Variants in HEMK2 observed in about 807,000 individuals in gnomAD.
HEMK2 encodes methyltransferase HEMK2.
chr21:28,843,693 A>G, the HEMK2 span, among the ~76,000 whole-genome samples: 1 of 152,168 alleles, frequency 6.6e-6, no homozygotes, highest in Non-Finnish European at 1.5e-5. Flanking sequence ...TTCTGTGCAG[A>G]TAAGCCAGTT....
At chr21:28,602,432 T>C in the HEMK2 span, among the ~76,000 whole-genome samples, 1 of 152,206 alleles carries the variant, frequency 6.6e-6, no homozygotes, top group African/African-American at 2.4e-5. Context: ...TTTAGAATTG[T>C]TGTATTCTAC....
chr21:28,651,437 A>G, the HEMK2 span, among the ~76,000 whole-genome samples: 1 of 152,242 alleles, frequency 6.6e-6, no homozygotes, highest in Non-Finnish European at 1.5e-5. Flanking sequence ...TAGTTTATCA[A>G]AAAGAGGGTA....
chr21:28,596,100 T>C, the HEMK2 span, among the ~76,000 whole-genome samples: 1,580 of 152,160 alleles, frequency 0.01, 42 homozygotes, highest in African/African-American at 0.037. Context: ...TGGAGTGCAG[T>C]GGTGCGATCT....
chr21:28,833,093 C>T, the HEMK2 span, among the ~76,000 whole-genome samples: 2 of 152,246 alleles, frequency 1.3e-5, no homozygotes, highest in East Asian at 1.9e-4. Flanking sequence ...AGACTTAAAA[C>T]TGGCTTTTTG....
the HEMK2 span, among the ~76,000 whole-genome samples, chr21:28,722,234 A>G: frequency 6.6e-6 from 1 of 152,124 alleles, no homozygotes; most frequent in Non-Finnish European, 1.5e-5. Context: ...ATAAAAGAGA[A>G]TACAAAAAAA....
the HEMK2 span, among the ~76,000 whole-genome samples, chr21:28,631,216 A>T: frequency 6.6e-6 from 1 of 152,198 alleles, no homozygotes; most frequent in Admixed American, 6.5e-5. Context: ...AAACTTCAAA[A>T]ACATCATACT....
chr21:28,785,081 A>C, the HEMK2 span, among the ~76,000 whole-genome samples: 1 of 152,192 alleles, frequency 6.6e-6, no homozygotes, highest in Non-Finnish European at 1.5e-5. Context: ...GTCACCACGA[A>C]GGTCTGCAGC....
the HEMK2 span, among the ~76,000 whole-genome samples, chr21:28,688,152 T>G: frequency 6.6e-6 from 1 of 152,184 alleles, no homozygotes; most frequent in African/African-American, 2.4e-5. Flanking sequence ...GCACGTCAAA[T>G]GAAGGAAACC....
chr21:28,825,841 A>C, the HEMK2 span, among the ~76,000 whole-genome samples: 3 of 152,194 alleles, frequency 2.0e-5, no homozygotes, highest in East Asian at 5.8e-4. Flanking sequence ...CCTCAGTCCT[A>C]AGACATCTGG....
chr21:28,608,837 T>TC, the HEMK2 span, among the ~76,000 whole-genome samples: 1 of 151,468 alleles, frequency 6.6e-6, no homozygotes, highest in South Asian at 2.1e-4. Context: ...GCAGCCATCA[T>TC]CCCCCGGGAA....
At chr21:28,652,586 G>A in the HEMK2 span, among the ~76,000 whole-genome samples, 2 of 152,034 alleles carry the variant, frequency 1.3e-5, no homozygotes. Context: ...AAATGGCAAA[G>A]CAGAAATATA....
At chr21:28,633,933 C>T in the HEMK2 span, among the ~76,000 whole-genome samples, 56 of 152,290 alleles carry the variant, frequency 3.7e-4, no homozygotes, top group South Asian at 1.0e-3. Context: ...CTGATAGTCA[C>T]CAGCTTCCTG....
chr21:28,695,531 A>G, the HEMK2 span, among the ~76,000 whole-genome samples: 1 of 152,150 alleles, frequency 6.6e-6, no homozygotes, highest in Non-Finnish European at 1.5e-5. Flanking sequence ...CAGGCAAGAG[A>G]GCTTGTGCAG....
At chr21:28,624,112 G>A in the HEMK2 span, among the ~76,000 whole-genome samples, 2 of 152,334 alleles carry the variant, frequency 1.3e-5, no homozygotes, top group South Asian at 2.1e-4. Context: ...CAATTTTAAT[G>A]TGTGTTCTGT....
At chr21:28,587,349 T>C in the HEMK2 span, among the ~76,000 whole-genome samples, 287 of 152,284 alleles carry the variant, frequency 1.9e-3, 2 homozygotes, top group African/African-American at 6.2e-3. Context: ...ATCCTTATAA[T>C]AGTTGTGATA....
chr21:28,675,272 A>C, the HEMK2 span, among the ~76,000 whole-genome samples: 3 of 152,194 alleles, frequency 2.0e-5, no homozygotes, highest in East Asian at 5.8e-4. Flanking sequence ...ATTTATTCAA[A>C]CATGATAATA....
chr21:28,701,895 G>A, the HEMK2 span, among the ~76,000 whole-genome samples: 1 of 151,886 alleles, frequency 6.6e-6, no homozygotes, highest in Non-Finnish European at 1.5e-5. Flanking sequence ...GAAAAAAAGA[G>A]TAAACTAGAG....
At chr21:28,871,608 G>A in the HEMK2 span, among the ~76,000 whole-genome samples, 72 of 152,248 alleles carry the variant, frequency 4.7e-4, no homozygotes, top group African/African-American at 1.4e-3. Context: ...ATTTCTGAGA[G>A]CTACTGTAAC....
chr21:28,704,610 C>T, the HEMK2 span, among the ~76,000 whole-genome samples: 3 of 148,930 alleles, frequency 2.0e-5, no homozygotes, highest in African/African-American at 7.4e-5. Context: ...TTATGAAATG[C>T]AGGTAGGTTT....
Sources: allele counts gnomAD v4.1 joint callset (sites outside exome capture counted in the v4.1 genomes callset), GRCh38; gene constraint gnomAD v4.1.1; transcripts MANE v1.5; gene names NCBI Gene and HGNC (gene_info 2026-07-23, HGNC 2026-07-21).